The following IL1RL2 variants were observed in gnomAD, a reference collection of about 807,000 sequenced individuals.
IL1RL2 encodes interleukin 1 receptor like 2, also known as interleukin-1 receptor-like 2.
Under a neutral mutation model 66.8 loss-of-function variants are expected in IL1RL2, and 68 were observed. The observed-to-expected ratio is 1.02, with a 90% CI of 0.84 to 1.25. The LOEUF (loss-of-function observed/expected upper bound fraction) is 1.25, where lower values mean the gene tolerates loss of function less well. Among genes scored for constraint, IL1RL2 ranks in the 50% most tolerant of loss-of-function variants. The pLI, the probability that IL1RL2 is intolerant of heterozygous loss-of-function variation, is 0.00. For missense variants in IL1RL2, 729 were observed against 709.3 expected (o/e 1.03, Z -0.32); for synonymous variants, 305 against 264.6 (o/e 1.15, Z -1.48).
At chr2:102,202,663 T>G (rs1688365595) in intron 5 of IL1RL2, among the ~76,000 whole-genome samples, 1 of 152,190 alleles carries the variant, frequency 6.6e-6, no homozygotes, top group Non-Finnish European at 1.5e-5. Context: ...ATGGGATTAC[T>G]TGTAAAATAT....
intron 5 of IL1RL2, among the ~76,000 whole-genome samples, chr2:102,209,525 T>C (rs1360220263): frequency 1.3e-5 from 2 of 150,740 alleles, no homozygotes; most frequent in Non-Finnish European, 3.0e-5. Context: ...TGTTAAGCAT[T>C]ATGTTTATGT....
intron 8 of IL1RL2, among the ~76,000 whole-genome samples, chr2:102,224,452 T>C (rs573600508): frequency 6.6e-6 from 1 of 152,248 alleles, no homozygotes; most frequent in South Asian, 2.1e-4. Context: ...TTATGTTAAG[T>C]GAAATAAGCC....
chr2:102,228,269 T>A (rs1236373075), intron 9 of IL1RL2, among the ~76,000 whole-genome samples: 1 of 152,196 alleles, frequency 6.6e-6, no homozygotes, highest in Non-Finnish European at 1.5e-5. Flanking sequence ...CTTGTTTATG[T>A]CCTTGTTCCC....
chr2:102,224,680 G>A (rs1378362685), intron 8 of IL1RL2, among the ~76,000 whole-genome samples: 1 of 152,126 alleles, frequency 6.6e-6, no homozygotes, highest in African/African-American at 2.4e-5. Flanking sequence ...AATGACTATA[G>A]ATAGGAATAA....
intron 9 of IL1RL2, 152 bp from the exon 10 acceptor site, chr2:102,232,811 G>T (rs1174118009): frequency 8.4e-6 from 6 of 714,998 alleles, no homozygotes; most frequent in Non-Finnish European, 1.4e-5. Context: ...GATGTCCCTT[G>T]GCAGCCCCTG....
chr2:102,218,759 T>C (rs1368861491), intron 6 of IL1RL2, among the ~76,000 whole-genome samples, 194 bp from the exon 7 acceptor site: 2 of 152,234 alleles, frequency 1.3e-5, no homozygotes, highest in African/African-American at 2.4e-5. Flanking sequence ...ATGGTTGTCC[T>C]GGAAGGCCAC....
At chr2:102,219,179 C>A in intron 7 of IL1RL2, 97 bp downstream of exon 7, 2 of 1,351,306 alleles carry the variant, frequency 1.5e-6, no homozygotes, top group Non-Finnish European at 2.1e-6. Flanking sequence ...CTTGTTTTTG[C>A]CTCTCAATGA....
At chr2:102,192,169 C>G (rs1687287952) in intron 4 of IL1RL2, 49 bp downstream of exon 4, 1 of 1,309,038 alleles carries the variant, frequency 7.6e-7, no homozygotes, top group African/African-American at 1.5e-5. Flanking sequence ...TCTTTAAAAC[C>G]CACTGTTTTT....
chr2:102,227,887 C>T (rs1242534151), intron 9 of IL1RL2, among the ~76,000 whole-genome samples: 1 of 152,052 alleles, frequency 6.6e-6, no homozygotes, highest in African/African-American at 2.4e-5. Context: ...ATAGCTGTGA[C>T]TTATGGGTGT....
chr2:102,239,218 A>T lies in IL1RL2; in HGVS notation c.1705A>T (p.Lys569Ter). 6.2e-7 allele frequency: 1 copy of T among 1,614,098 alleles called. No homozygotes were observed. Among genetic ancestry groups the T allele is most frequent in the Non-Finnish European group, 8.5e-7 (1 of 1,179,944 alleles). The change falls in exon 12 of 12, where the codon AAG becomes TAG. Residue 569 changes from lysine to a stop codon, truncating the protein, a stop_gained. Transcript: ENST00000264257. LOFTEE classifies it high-confidence loss of function. ...CCCAGAACTAGGCTCAAGAAGAAAG[A>T]AGTGTACTCTCACGACTGGCTAAGA... The part of the protein sequence containing the change: ...AGPELGSRRK[K>*]CTLTTG
At chr2:102,200,440 G>A (rs567671215) in intron 4 of IL1RL2, among the ~76,000 whole-genome samples, 4 of 152,072 alleles carry the variant, frequency 2.6e-5, no homozygotes, top group African/African-American at 9.7e-5. Context: ...GCCTAAGTGA[G>A]GAGAGAGCCT....
intron 9 of IL1RL2, among the ~76,000 whole-genome samples, chr2:102,231,935 G>A (rs1180949626): frequency 2.0e-5 from 3 of 152,298 alleles, no homozygotes; most frequent in African/African-American, 7.2e-5. Flanking sequence ...GTGCAGTTAG[G>A]ACAGTGCTTC....
At chr2:102,212,308 G>T (rs1922290) in intron 6 of IL1RL2, 134 bp downstream of exon 6, 1 of 615,692 alleles carries the variant, frequency 1.6e-6, no homozygotes, top group Non-Finnish European at 2.8e-6. Flanking sequence ...TTGGATATAC[G>T]TGAGCTCATG....
At chr2:102,208,867 T>C (rs1388108729) in intron 5 of IL1RL2, among the ~76,000 whole-genome samples, 2 of 152,268 alleles carry the variant, frequency 1.3e-5, no homozygotes, top group Admixed American at 1.3e-4. Context: ...AGAAAATTAA[T>C]TGTACAAGGT....
At chr2:102,241,775 G>A (rs947197206), downstream of IL1RL2, among the ~76,000 whole-genome samples, 2 of 152,244 alleles carry the variant, frequency 1.3e-5, no homozygotes, top group Admixed American at 1.3e-4. Context: ...ACAGTTGTTA[G>A]ACATGGCCCC....
chr2:102,207,499 TC>T (rs1342289073), intron 5 of IL1RL2, among the ~76,000 whole-genome samples: 1 of 151,586 alleles, frequency 6.6e-6, no homozygotes, highest in African/African-American at 2.4e-5. Flanking sequence ...AGGCAGCGGG[TC>T]CCCTTCTGGC....
chr2:102,238,483 C>T (rs1675063748), intron 11 of IL1RL2, among the ~76,000 whole-genome samples: 1 of 152,268 alleles, frequency 6.6e-6, no homozygotes, highest in African/African-American at 2.4e-5. Context: ...AGCCTCAGTC[C>T]CCAGGGCCCC....
At position 102,239,255 on chromosome 2, in the gene IL1RL2, G is replaced by A. The variant is rs1199310839; in HGVS notation, c.*14G>A. On this transcript the variant is annotated 3_prime_UTR_variant, in exon 12 of 12. Transcript: ENST00000264257. ...ACGACTGGCTAAGACTTGCTGGACT[G>A]ACACCTATGGCTGGAAGATGACTTG... 1.2e-6 allele frequency: 2 copies of A among 1,612,762 alleles called. No individual in the cohort carries two copies. The highest frequency in any genetic ancestry group is 1.7e-6 in the Non-Finnish European group (2 of 1,178,756).
At chr2:102,224,256 A>G (rs1054373079) in intron 8 of IL1RL2, among the ~76,000 whole-genome samples, 6 of 152,324 alleles carry the variant, frequency 3.9e-5, no homozygotes, top group East Asian at 1.9e-4. Context: ...TATTAAAGAG[A>G]TATGTGAACT....
Sources: allele counts gnomAD v4.1 joint callset (sites outside exome capture counted in the v4.1 genomes callset), GRCh38; gene constraint gnomAD v4.1.1; transcripts MANE v1.5; gene names NCBI Gene and HGNC (gene_info 2026-07-23, HGNC 2026-07-21).